ADAM12: variants seen among roughly 807,000 people sequenced by gnomAD.
ADAM12 encodes disintegrin and metalloproteinase domain-containing protein 12.
Under a neutral mutation model 106.4 loss-of-function variants are expected in ADAM12, and 70 were observed. That is an observed-to-expected ratio of 0.66 (90% CI 0.54 to 0.80). The LOEUF (loss-of-function observed/expected upper bound fraction) is 0.80. Ranked by LOEUF, ADAM12 falls within the 30% of genes least tolerant of loss-of-function variation. The pLI is 0.00. For missense variants in ADAM12, 1,010 were observed against 1,171.9 expected, an observed-to-expected ratio of 0.86 and a Z score of 2.02; for synonymous variants, 420 against 433.5, an observed-to-expected ratio of 0.97 and a Z score of 0.39.
At chr10:126,188,785 A>G (rs1957445370) in intron 3 of ADAM12, among the ~76,000 whole-genome samples, 1 of 151,780 alleles carries the variant, frequency 6.6e-6, no homozygotes, top group Admixed American at 6.6e-5. Flanking sequence ...CCATCTATCC[A>G]TCATCCTTTC....
chr10:126,365,807 C>T (rs1855889637), intron 1 of ADAM12, among the ~76,000 whole-genome samples: 1 of 152,278 alleles, frequency 6.6e-6, no homozygotes, highest in African/African-American at 2.4e-5. Flanking sequence ...GGGACACAGC[C>T]AAACCATATC....
chr10:126,192,766 G>C (rs1957526625), intron 3 of ADAM12, among the ~76,000 whole-genome samples: 1 of 152,242 alleles, frequency 6.6e-6, no homozygotes, highest in Non-Finnish European at 1.5e-5. Context: ...ATGGAGGCCA[G>C]TGAAATTTTG....
chr10:126,086,692 T>TATATATATATATATATATATATAC (rs1484769998), intron 11 of ADAM12, among the ~76,000 whole-genome samples: 1 of 69,068 alleles, frequency 1.4e-5, no homozygotes, highest in Admixed American at 2.2e-4. Flanking sequence ...TATATATATA[T>TATATATATATATATATATATATAC]ATATATATAT....
In ADAM12 at chr10:126,099,867, T is replaced by G. The variant is rs570201816; in HGVS notation, c.911+1205A>C. On this transcript the variant is annotated intron_variant, in intron 9 of 22. Coordinates refer to ENST00000448723, the MANE Select transcript of ADAM12 (RefSeq NM_001288973.2). The stretch of plus-strand genomic sequence containing the variant: ...TCTCTGTCCCAGAAGCTTTCCTTTC[T>G]GTGCTATAAGCCACATGACAACAAA... Among the ~76,000 whole-genome samples, 56 of 152,374 alleles carry G rather than the reference T, an allele frequency of 3.7e-4. 1 individual carries two copies. Among genetic ancestry groups the G allele is most frequent in the Non-Finnish European group, 6.6e-4 (45 of 68,030 alleles).
chr10:126,039,284 C>T lies in ADAM12; in HGVS notation c.2240+10G>A. The T allele has an allele frequency of 6.2e-7, 1 of 1,613,468 alleles. No individual in the cohort carries two copies. The highest frequency in any genetic ancestry group is 8.5e-7 in the Non-Finnish European group (1 of 1,179,648). ...TTTCTAGAACAGATGACAAGCTAAA[C>T]CCAGGGTACCTTAGTTTTTCAATGG... On this transcript the variant is annotated intron_variant, in intron 19 of 22. Transcript: ENST00000448723.
intron 19 of ADAM12, among the ~76,000 whole-genome samples, chr10:126,038,952 C>CTT (rs34277276): frequency 0.19 from 13,603 of 71,614 alleles, 1,940 homozygotes; most frequent in East Asian, 0.27. Flanking sequence ...GACACCATTT[C>CTT]TTTTTTTTTT....
At chr10:126,268,731 C>T (rs1214307495) in intron 3 of ADAM12, among the ~76,000 whole-genome samples, 2 of 152,114 alleles carry the variant, frequency 1.3e-5, no homozygotes, top group Non-Finnish European at 2.9e-5. Context: ...CTCAAGATAA[C>T]GAGTTTGAAG....
intron 2 of ADAM12, among the ~76,000 whole-genome samples, chr10:126,290,353 G>A (rs1960092849): frequency 6.6e-6 from 1 of 152,128 alleles, no homozygotes; most frequent in South Asian, 2.1e-4. Flanking sequence ...ATCCAACCAT[G>A]CCCACTGGGC....
chr10:126,106,540 C>T (rs541730634), intron 8 of ADAM12, among the ~76,000 whole-genome samples: 4 of 144,904 alleles, frequency 2.8e-5, no homozygotes, highest in Admixed American at 7.2e-5. Context: ...GGCTAGAGTG[C>T]GATGGCGTGA....
chr10:126,368,468 G>A (rs948691992), intron 1 of ADAM12, among the ~76,000 whole-genome samples: 1 of 149,654 alleles, frequency 6.7e-6, no homozygotes, highest in East Asian at 2.0e-4. Flanking sequence ...AAATTACTAT[G>A]AGTTTATCAA....
chr10:126,067,096 G>C (rs565432915), intron 12 of ADAM12: 22 of 397,656 alleles, frequency 5.5e-5, no homozygotes, highest in Non-Finnish European at 1.0e-4. Flanking sequence ...CTAGTCAGCA[G>C]TACACTGGGG....
rs370672287 is a variant in ADAM12, at chr10:126,387,317, G to T, written c.88+741C>A. On this transcript the variant is annotated intron_variant, in intron 1 of 22. Transcript: ENST00000448723. ...GGGGCTACAACTCGGGAAAACCTAA[G>T]TCTGTAAAACTAAGTACGTTAAACT... Among the ~76,000 whole-genome samples, 33 of 152,248 alleles carry T rather than the reference G, an allele frequency of 2.2e-4. 1 individual carries two copies. The highest frequency in any genetic ancestry group is 3.4e-3 in the Middle Eastern group (1 of 294).
At chr10:126,330,268 C>G in intron 2 of ADAM12, 144 bp downstream of exon 2, 1 of 699,078 alleles carries the variant, frequency 1.4e-6, no homozygotes, top group Non-Finnish European at 2.3e-6. Flanking sequence ...ATATTTTTGG[C>G]TTAAGAATAA....
chr10:126,280,429 G>A (rs1299481812), intron 2 of ADAM12, among the ~76,000 whole-genome samples: 2 of 152,120 alleles, frequency 1.3e-5, no homozygotes, highest in African/African-American at 4.8e-5. Flanking sequence ...TTAAAAATTA[G>A]TTCACCAGTC....
intron 1 of ADAM12, among the ~76,000 whole-genome samples, chr10:126,333,091 T>C (rs1485735686): frequency 6.6e-6 from 1 of 152,196 alleles, no homozygotes; most frequent in African/African-American, 2.4e-5. Flanking sequence ...CCACGGGCAT[T>C]GGCGTAGTCT....
intron 11 of ADAM12, among the ~76,000 whole-genome samples, chr10:126,092,298 A>G (rs1435897477): frequency 6.6e-6 from 1 of 152,212 alleles, no homozygotes; most frequent in East Asian, 1.9e-4. Context: ...GAAAACACGA[A>G]GGCCACTCAG....
chr10:126,098,033 C>T (rs1590405073), intron 10 of ADAM12, among the ~76,000 whole-genome samples: 1 of 152,320 alleles, frequency 6.6e-6, no homozygotes, highest in East Asian at 1.9e-4. Flanking sequence ...ATCAGAAAAC[C>T]ATCCAAACGG....
chr10:126,185,210 T>C (rs1335647498), intron 3 of ADAM12, among the ~76,000 whole-genome samples: 1 of 152,224 alleles, frequency 6.6e-6, no homozygotes, highest in African/African-American at 2.4e-5. Context: ...CCTTTTGAGG[T>C]CCATGAAGAA....
At chr10:126,182,169 T>G (rs1957324315) in intron 3 of ADAM12, among the ~76,000 whole-genome samples, 1 of 152,200 alleles carries the variant, frequency 6.6e-6, no homozygotes, top group Admixed American at 6.5e-5. Context: ...CTGGTGAGTT[T>G]CCTTTGAGAT....
Sources: gnomAD v4.1 joint callset for allele counts (sites outside exome capture counted in the v4.1 genomes callset) on GRCh38, gnomAD v4.1.1 for gene constraint, MANE v1.5 for transcripts, NCBI Gene and HGNC (gene_info 2026-07-23, HGNC 2026-07-21) for gene names.